The following NLRP11 variants were observed in gnomAD, a reference collection of about 807,000 sequenced individuals.
NLRP11 encodes the protein NLR family pyrin domain containing 11.
Under a neutral mutation model 79.3 loss-of-function variants are expected in NLRP11, and 53 were observed. The ratio of observed to expected loss-of-function variants is 0.67; its 90% CI spans 0.54 to 0.84. NLRP11 has a LOEUF of 0.84. Ranked by LOEUF, NLRP11 falls within the 40% of genes least tolerant of loss-of-function variation. The pLI, the probability that NLRP11 is intolerant of heterozygous loss-of-function variation, is 0.00. For missense variants in NLRP11, 1,264 were observed against 1,255.0 expected (o/e 1.01, Z -0.11); for synonymous variants, 518 against 462.6 (o/e 1.12, Z -1.54).
At chr19:55,797,258 C>T (rs1289981609) in intron 5 of NLRP11, among the ~76,000 whole-genome samples, 7 of 151,852 alleles carry the variant, frequency 4.6e-5, no homozygotes, top group Non-Finnish European at 8.8e-5. Flanking sequence ...ATGATCATAC[C>T]AATGCACTTC....
chr19:55,789,738 G>A (rs1012883797), intron 7 of NLRP11, among the ~76,000 whole-genome samples: 1 of 152,236 alleles, frequency 6.6e-6, no homozygotes, highest in Non-Finnish European at 1.5e-5. Context: ...GAAGAATTAT[G>A]TTAGGCAACC....
At chr19:55,794,556 C>A (rs1056554233) in intron 6 of NLRP11, among the ~76,000 whole-genome samples, 1 of 152,036 alleles carries the variant, frequency 6.6e-6, no homozygotes, top group African/African-American at 2.4e-5. Context: ...GTCAGGAGAT[C>A]GAGACCATCC....
rs777408807 is a variant in NLRP11, at chr19:55,788,990, T to TGC, written c.2685-15_2685-14dup. On this transcript the variant is annotated splice_polypyrimidine_tract_variant and intron_variant, in intron 8 of 9. Coordinates refer to ENST00000589093, the Ensembl canonical transcript of NLRP11. ...GCACTCTTCTAGCCTGCAACGAAGATGCACAGGTAAGGTGGGGCCAAATCC... is the reference window on the plus strand; with the variant it reads ...GCACTCTTCTAGCCTGCAACGAAGATGCGCACAGGTAAGGTGGGGCCAAATCC... The TGC allele has an allele frequency of 6.2e-7, 1 of 1,613,850 alleles. No individual in the cohort carries two copies. Among genetic ancestry groups the TGC allele is most frequent in the East Asian group, 2.2e-5 (1 of 44,872 alleles).
exon 10 of NLRP11, chr19:55,785,827 A>G (rs1989845691): frequency 3.1e-6 from 5 of 1,614,134 alleles, no homozygotes. Flanking sequence ...CTTTACAGTC[A>G]TCAGCAACTG....
intron 2 of NLRP11, among the ~76,000 whole-genome samples, chr19:55,817,195 A>G (rs1981204923): frequency 6.6e-6 from 1 of 152,184 alleles, no homozygotes. Flanking sequence ...AGATGTTGGT[A>G]TGGATGTGGT....
At chr19:55,790,518 A>G (rs1302365263) in intron 7 of NLRP11, among the ~76,000 whole-genome samples, 1 of 152,190 alleles carries the variant, frequency 6.6e-6, no homozygotes, top group Non-Finnish European at 1.5e-5. Context: ...CCAATACAAG[A>G]TCCATTAATA....
At chr19:55,835,191 C>G (rs58016343), upstream of NLRP11, among the ~76,000 whole-genome samples, 1 of 152,174 alleles carries the variant, frequency 6.6e-6, no homozygotes, top group Non-Finnish European at 1.5e-5. Context: ...TAACACTGAA[C>G]TCAGGATTCT....
exon 10 of NLRP11, chr19:55,785,717 GTAT>G (rs1568624239): frequency 6.2e-7 from 1 of 1,613,934 alleles, no homozygotes; most frequent in Admixed American, 1.7e-5. Flanking sequence ...TTAGAATTAG[GTAT>G]TATTGAACCT....
At chr19:55,816,826 G>A (rs1290676710) in intron 2 of NLRP11, among the ~76,000 whole-genome samples, 2 of 152,132 alleles carry the variant, frequency 1.3e-5, no homozygotes, top group African/African-American at 2.4e-5. Flanking sequence ...AAGCTGGTTT[G>A]CATAATAACA....
At chr19:55,795,292 CA>C (rs1978720611) in intron 6 of NLRP11, among the ~76,000 whole-genome samples, 1 of 152,054 alleles carries the variant, frequency 6.6e-6, no homozygotes, top group Admixed American at 6.6e-5. Context: ...AAAGGAGACT[CA>C]GGGGAAAAAA....
At chr19:55,818,746 A>C (rs1277511159) in intron 1 of NLRP11, among the ~76,000 whole-genome samples, 1 of 152,206 alleles carries the variant, frequency 6.6e-6, no homozygotes, top group Non-Finnish European at 1.5e-5. Context: ...TATAATAAGC[A>C]AACAGGCTGT....
chr19:55,802,639 C>T (rs1262154275), intron 4 of NLRP11, among the ~76,000 whole-genome samples: 1 of 152,170 alleles, frequency 6.6e-6, no homozygotes, highest in Non-Finnish European at 1.5e-5. Context: ...CAATGGCATT[C>T]TTCACAGAAA....
upstream of NLRP11, among the ~76,000 whole-genome samples, chr19:55,835,180 G>A (rs527441676): frequency 3.9e-5 from 6 of 152,126 alleles, no homozygotes; most frequent in Admixed American, 6.6e-5. Context: ...CATCACCATC[G>A]TAACACTGAA....
chr19:55,805,564 G>T (rs2122794049), intron 4 of NLRP11, among the ~76,000 whole-genome samples: 1 of 151,812 alleles, frequency 6.6e-6, no homozygotes, highest in East Asian at 1.9e-4. Flanking sequence ...ACACACAATG[G>T]AGTCTCACTC....
intron 4 of NLRP11, among the ~76,000 whole-genome samples, chr19:55,804,439 A>ATTT (rs56849592): frequency 9.2e-4 from 135 of 147,238 alleles, no homozygotes; most frequent in African/African-American, 2.8e-3. Flanking sequence ...AAAAGAGAGC[A>ATTT]TTTTTTTTTT....
chr19:55,804,031 G>A (rs941649217), intron 4 of NLRP11, among the ~76,000 whole-genome samples: 3 of 152,176 alleles, frequency 2.0e-5, no homozygotes, highest in Non-Finnish European at 4.4e-5. Context: ...GCAGTGAGCC[G>A]AGATTGTGCC....
exon 6 of NLRP11, chr19:55,796,163 T>C: frequency 6.2e-7 from 1 of 1,614,118 alleles, no homozygotes; most frequent in Non-Finnish European, 8.5e-7. Context: ...GATTGCTGGA[T>C]AAGGTCAGTT....
At chr19:55,800,560 C>T (rs1396085788) in intron 5 of NLRP11, among the ~76,000 whole-genome samples, 1 of 152,148 alleles carries the variant, frequency 6.6e-6, no homozygotes, top group Non-Finnish European at 1.5e-5. Flanking sequence ...AAGTGATCCA[C>T]ATCCTCTGCC....
chr19:55,830,886 AC>A (rs1307983009), intron 1 of NLRP11, among the ~76,000 whole-genome samples: 1 of 152,072 alleles, frequency 6.6e-6, no homozygotes, highest in African/African-American at 2.4e-5. Flanking sequence ...CACTTCAAGC[AC>A]CTGTGACCAG....
Sources: allele counts gnomAD v4.1 joint callset (sites outside exome capture counted in the v4.1 genomes callset), GRCh38; gene constraint gnomAD v4.1.1; transcripts MANE v1.5; gene names NCBI Gene and HGNC (gene_info 2026-07-23, HGNC 2026-07-21).